VPS35L: variants seen among roughly 807,000 people sequenced by gnomAD.
VPS35L encodes the protein VPS35 endosomal protein sorting factor like.
Under a neutral mutation model 133.0 loss-of-function variants are expected in VPS35L, and 83 were observed. That is an observed-to-expected ratio of 0.62 (90% CI 0.52 to 0.75). The LOEUF (loss-of-function observed/expected upper bound fraction) is 0.75, where lower values mean the gene tolerates loss of function less well. VPS35L is among the 30% of genes least tolerant of loss of function. The pLI is 0.00. For missense variants in VPS35L, 1,083 were observed against 1,206.8 expected (o/e 0.90, Z 1.52); for synonymous variants, 423 against 449.9 (o/e 0.94, Z 0.76).
At chr16:19,585,090 A>C (rs1322347397) in intron 7 of VPS35L, among the ~76,000 whole-genome samples, 1 of 152,106 alleles carries the variant, frequency 6.6e-6, no homozygotes, top group East Asian at 1.9e-4. Context: ...GTTCCTTTTT[A>C]CTGCTGAATC....
intron 27 of VPS35L, among the ~76,000 whole-genome samples, chr16:19,670,402 C>T (rs566483524): frequency 6.2e-4 from 94 of 152,316 alleles, no homozygotes; most frequent in African/African-American, 2.0e-3. Flanking sequence ...TCCAGCTCTG[C>T]GTTCTTGGGC....
chr16:19,573,476 A>C (rs1395803715), intron 4 of VPS35L: 1 of 381,700 alleles, frequency 2.6e-6, no homozygotes, highest in Non-Finnish European at 4.8e-6. Context: ...CACAGGCCAG[A>C]GAAAGAATTA....
intron 18 of VPS35L, among the ~76,000 whole-genome samples, chr16:19,630,041 A>C (rs1973396566): frequency 6.6e-6 from 1 of 152,212 alleles, no homozygotes; most frequent in South Asian, 2.1e-4. Context: ...AAAATGCAGC[A>C]TTACACAAAG....
intron 2 of VPS35L, among the ~76,000 whole-genome samples, chr16:19,568,298 GC>G (rs375359764): frequency 4.4e-4 from 66 of 148,430 alleles, no homozygotes; most frequent in African/African-American, 1.5e-3. Context: ...TCTTCAAACC[GC>G]CCCCCCCTTT....
At chr16:19,565,141 C>T (rs1971149145) in intron 2 of VPS35L, among the ~76,000 whole-genome samples, 191 bp downstream of exon 2, 1 of 151,740 alleles carries the variant, frequency 6.6e-6, no homozygotes, top group South Asian at 2.1e-4. Context: ...TGACCTCTGC[C>T]TCCTGGGTTT....
At position 19,669,121 on chromosome 16, in the gene VPS35L, A is replaced by T. The variant is rs931483715; in HGVS notation, c.2222-39A>T. ...AAGAAGAAAGCCAACTAAATTTCCC[A>T]GAGTTCTAATATACTGACTTTTATC... is the stretch of plus-strand genomic sequence containing the variant. On this transcript the variant is annotated intron_variant, in intron 26 of 30. Coordinates refer to ENST00000417362, the MANE Select transcript of VPS35L (RefSeq NM_020314.7). 4 of 1,547,528 alleles carry T rather than the reference A, an allele frequency of 2.6e-6. No individual in the cohort carries two copies. The Admixed American group carries it at 5.5e-5, about 21-fold the overall frequency.
At chr16:19,680,115 C>G (rs944881024) in intron 27 of VPS35L, among the ~76,000 whole-genome samples, 6 of 152,178 alleles carry the variant, frequency 3.9e-5, no homozygotes, top group Admixed American at 3.3e-4. Context: ...AACCTTGGGT[C>G]CCCCATGTAC....
At chr16:19,626,807 G>A (rs1040029187) in intron 15 of VPS35L, among the ~76,000 whole-genome samples, 1 of 152,202 alleles carries the variant, frequency 6.6e-6, no homozygotes, top group African/African-American at 2.4e-5. Context: ...TTCCCCATGG[G>A]GCTGTGGTAG....
intron 13 of VPS35L, 42 bp downstream of exon 13, chr16:19,616,233 C>A: frequency 6.6e-7 from 1 of 1,520,832 alleles, no homozygotes; most frequent in Non-Finnish European, 9.1e-7. Flanking sequence ...TATAACAGTT[C>A]TATGATAGCA....
chr16:19,652,579 G>A (rs1974168914), intron 26 of VPS35L: 1 of 161,512 alleles, frequency 6.2e-6, no homozygotes, highest in Admixed American at 5.9e-5. Flanking sequence ...GGACACATAT[G>A]CATTTATAGA....
intron 21 of VPS35L, among the ~76,000 whole-genome samples, chr16:19,641,492 TTAAA>T (rs1322257263): frequency 6.6e-6 from 1 of 152,202 alleles, no homozygotes; most frequent in Non-Finnish European, 1.5e-5. Context: ...GCTAGTTACT[TTAAA>T]TATTAGGTGT....
intron 11 of VPS35L, among the ~76,000 whole-genome samples, chr16:19,609,359 C>T (rs1972635254): frequency 6.6e-6 from 1 of 152,154 alleles, no homozygotes; most frequent in Non-Finnish European, 1.5e-5. Context: ...CTGGCTCCCT[C>T]TCCTGGGAAC....
chr16:19,558,263 G>C (rs1295103687), intron 1 of VPS35L, among the ~76,000 whole-genome samples: 1 of 152,212 alleles, frequency 6.6e-6, no homozygotes, highest in South Asian at 2.1e-4. Context: ...CGTAAAGTGC[G>C]TAACATGTAA....
chr16:19,623,425 C>T (rs996797362), intron 14 of VPS35L, among the ~76,000 whole-genome samples: 3 of 152,176 alleles, frequency 2.0e-5, no homozygotes, highest in Admixed American at 1.3e-4. Flanking sequence ...CTGTGGGATT[C>T]GGATCCCACC....
intron 26 of VPS35L, among the ~76,000 whole-genome samples, chr16:19,653,767 C>T (rs899265777): frequency 6.6e-6 from 1 of 152,210 alleles, no homozygotes. Flanking sequence ...ATCACTTCTC[C>T]ATTCTTTGAA....
chr16:19,667,139 T>A (rs111655333), intron 26 of VPS35L, among the ~76,000 whole-genome samples: 30 of 152,084 alleles, frequency 2.0e-4, no homozygotes, highest in African/African-American at 7.0e-4. Context: ...AATTTTTGTA[T>A]TTTTAGTACA....
At chr16:19,563,448 C>A (rs1417936444) in intron 1 of VPS35L, among the ~76,000 whole-genome samples, 1 of 152,106 alleles carries the variant, frequency 6.6e-6, no homozygotes, top group African/African-American at 2.4e-5. Flanking sequence ...GAGTCTGTAG[C>A]TTGATGTCTT....
intron 26 of VPS35L, among the ~76,000 whole-genome samples, chr16:19,668,228 G>A (rs773965650): frequency 6.6e-6 from 1 of 152,174 alleles, no homozygotes; most frequent in Non-Finnish European, 1.5e-5. Flanking sequence ...TCGTTTTGGA[G>A]TGGAAGTCCA....
chr16:19,600,264 A>G (rs890405207), intron 8 of VPS35L, among the ~76,000 whole-genome samples: 4 of 152,184 alleles, frequency 2.6e-5, no homozygotes, highest in African/African-American at 4.8e-5. Context: ...TTATGAAAAA[A>G]AAAAAAAAAT....
Sources: gnomAD v4.1 joint callset for allele counts (sites outside exome capture counted in the v4.1 genomes callset) on GRCh38, gnomAD v4.1.1 for gene constraint, MANE v1.5 for transcripts, NCBI Gene and HGNC (gene_info 2026-07-23, HGNC 2026-07-21) for gene names.